PM20D2: variants seen among roughly 807,000 people sequenced by gnomAD.
PM20D2 encodes peptidase M20 domain containing 2.
A neutral mutation model predicts 42.9 loss-of-function variants in PM20D2; 33 were observed. The ratio of observed to expected loss-of-function variants is 0.77; its 90% CI spans 0.58 to 1.03. The LOEUF (loss-of-function observed/expected upper bound fraction) is 1.03, where lower values mean the gene tolerates loss of function less well. Ranked by LOEUF, PM20D2 falls within the 50% of genes least tolerant of loss-of-function variation. The probability of loss-of-function intolerance (pLI) is 0.00; values close to 1 mark genes in which losing one functional copy is unlikely to be tolerated. For missense variants in PM20D2, 548 were observed against 557.0 expected (o/e 0.98, Z 0.16); for synonymous variants, 250 against 228.2 (o/e 1.10, Z -0.86).
At chr6:89,100,250 C>T in the PM20D2 span, among the ~76,000 whole-genome samples, 1 of 152,174 alleles carries the variant, frequency 6.6e-6, no homozygotes, top group African/African-American at 2.4e-5. Context: ...TTATCAGACA[C>T]ACAGTGCTGA....
rs1771339647 is a variant in PM20D2, at chr6:89,164,379, G to A, written c.*2116G>A. The A allele has an allele frequency of 1.3e-5, 2 of 152,554 alleles. No individual in the cohort carries two copies. The highest frequency in any genetic ancestry group is 1.3e-4 in the Admixed American group (2 of 15,278). The allele number at this position is 152,554 out of a possible 1,614,324, so 9.5% of individuals were successfully genotyped here. ...GTAAGAAGAAAAGACACTTGCAAAGGAAGAGCTAAGATTAACATAATTTCT... is the reference window on the plus strand; with the variant it reads ...GTAAGAAGAAAAGACACTTGCAAAGAAAGAGCTAAGATTAACATAATTTCT... On this transcript the variant is annotated 3_prime_UTR_variant, in exon 7 of 7. Coordinates refer to ENST00000275072, the MANE Select transcript of PM20D2 (RefSeq NM_001010853.3).
chr6:89,114,126 G>T, the PM20D2 span, among the ~76,000 whole-genome samples: 1 of 152,146 alleles, frequency 6.6e-6, no homozygotes, highest in Non-Finnish European at 1.5e-5. Flanking sequence ...TCGGTAAAAT[G>T]GGGTTAACAA....
chr6:89,161,647 AAGCATG>A, intron 5 of PM20D2, 130 bp from the exon 6 acceptor site: 2 of 670,158 alleles, frequency 3.0e-6, no homozygotes, highest in Admixed American at 2.4e-5. Context: ...GAGCCCATGA[AAGCATG>A]AGCATACGGA....
At chr6:89,144,339 A>T (rs1770444888), upstream of PM20D2, among the ~76,000 whole-genome samples, 1 of 152,212 alleles carries the variant, frequency 6.6e-6, no homozygotes, top group African/African-American at 2.4e-5. Flanking sequence ...GAGGGCAAAC[A>T]TGGGTTCTAC....
the PM20D2 span, among the ~76,000 whole-genome samples, chr6:89,126,172 A>G: frequency 1.3e-5 from 2 of 151,598 alleles, no homozygotes; most frequent in African/African-American, 2.4e-5. Flanking sequence ...AGGCAGGAGG[A>G]TGGCTTGAGC....
In PM20D2 at chr6:89,162,377, T is replaced by G; in HGVS notation, c.*114T>G. 9.0e-7 allele frequency: 1 copy of G among 1,108,038 alleles called. No individual in the cohort carries two copies. The highest frequency in any genetic ancestry group is 1.3e-6 in the Non-Finnish European group (1 of 793,784). The allele number at this position is 1,108,038 out of a possible 1,614,324, so 68.6% of individuals were successfully genotyped here. On this transcript the variant is annotated 3_prime_UTR_variant, in exon 7 of 7. Transcript: ENST00000275072. ...TTAAAGGAGTAAAATTCTTTTTACCTGATAAGTGAGGACAGGGTGTGGAGA... is the reference window on the plus strand; with the variant it reads ...TTAAAGGAGTAAAATTCTTTTTACCGGATAAGTGAGGACAGGGTGTGGAGA...
chr6:89,148,315 G>T (rs9444672), intron 1 of PM20D2, among the ~76,000 whole-genome samples: 1 of 151,860 alleles, frequency 6.6e-6, no homozygotes, highest in African/African-American at 2.4e-5. Context: ...CTCAATTTTA[G>T]CAAGGTTAAG....
chr6:89,097,821 A>T, the PM20D2 span: 2 of 152,196 alleles, frequency 1.3e-5, no homozygotes, highest in African/African-American at 2.4e-5. Context: ...CCATTCTTCA[A>T]ATGTGTAAGT....
chr6:89,137,387 A>G, the PM20D2 span, among the ~76,000 whole-genome samples: 2 of 152,216 alleles, frequency 1.3e-5, no homozygotes, highest in South Asian at 2.1e-4. Context: ...CAGAGTTTGA[A>G]ACTAGAATCT....
chr6:89,153,180 T>G lies in PM20D2; in HGVS notation c.752T>G (p.Val251Gly). ...FRQQMKPTWR[V>G]HGIIKNGGVK... is the part of the protein sequence containing the mutation. Reference sequence around the variant, plus strand: ...CAGCAAATGAAACCAACCTGGAGAGTTCATGGTATGAATGTCAAATACCTT... The same window carrying G: ...CAGCAAATGAAACCAACCTGGAGAGGTCATGGTATGAATGTCAAATACCTT... Residue 251 changes from valine (V) to glycine (G), a missense_variant, in exon 3 of 7, where the codon GTT becomes GGT. By Grantham distance (109) the Val-to-Gly change is moderately radical. This residue lies in a region of PM20D2 where 470 missense variants were observed against 464.4 expected (regional missense o/e 1.01). Transcript: ENST00000275072. 1 of 1,592,566 alleles carries G rather than the reference T, an allele frequency of 6.3e-7. No individual in the cohort carries two copies. The highest frequency in any genetic ancestry group is 1.2e-5 in the South Asian group (1 of 86,568).
chr6:89,119,601 C>T, the PM20D2 span, among the ~76,000 whole-genome samples: 4 of 152,216 alleles, frequency 2.6e-5, no homozygotes, highest in African/African-American at 4.8e-5. Flanking sequence ...TTTGGTGGCC[C>T]GAAACAACAG....
At chr6:89,124,923 G>A in the PM20D2 span, among the ~76,000 whole-genome samples, 1 of 151,428 alleles carries the variant, frequency 6.6e-6, no homozygotes, top group Non-Finnish European at 1.5e-5. Flanking sequence ...TTTTATAGAG[G>A]TAGGTCTTGC....
rs1044949526 is a variant in PM20D2 at position 89,146,177 on chromosome 6, G to C, written c.33G>C (p.Gly11=). 6.5e-7 allele frequency: 1 copy of C among 1,530,768 alleles called. No individual in the cohort carries two copies. Among genetic ancestry groups the C allele is most frequent in the Non-Finnish European group, 8.7e-7 (1 of 1,146,594 alleles). 94.8% of individuals were successfully genotyped at this position (1,530,768 alleles called of 1,614,324 possible). The part of the protein sequence containing the change: MRPGGERPVE[G]GACNGRSELE... ...CCGGAGGGGAGCGGCCCGTGGAAGG[G>C]GGCGCGTGCAATGGCCGCTCCGAGC... The change falls in exon 1 of 7, where the codon GGG becomes GGC. Residue 11 remains glycine (G), a synonymous_variant. Transcript: ENST00000275072.
the PM20D2 span, among the ~76,000 whole-genome samples, chr6:89,103,548 C>T: frequency 2.6e-5 from 4 of 152,026 alleles, no homozygotes; most frequent in South Asian, 2.1e-4. Flanking sequence ...AGACTGGTCT[C>T]GAACTCCTGA....
chr6:89,136,346 A>G, the PM20D2 span, among the ~76,000 whole-genome samples: 1 of 151,268 alleles, frequency 6.6e-6, no homozygotes, highest in African/African-American at 2.5e-5. Flanking sequence ...AAATATTTTC[A>G]AACATATACA....
At chr6:89,152,506 A>G (rs1261915367) in intron 2 of PM20D2, among the ~76,000 whole-genome samples, 1 of 152,206 alleles carries the variant, frequency 6.6e-6, no homozygotes, top group East Asian at 1.9e-4. Flanking sequence ...GCATTTTGGA[A>G]CATAATAAAA....
At chr6:89,122,409 A>T in the PM20D2 span, among the ~76,000 whole-genome samples, 1 of 152,214 alleles carries the variant, frequency 6.6e-6, no homozygotes, top group Non-Finnish European at 1.5e-5. Flanking sequence ...CAGGTTTACA[A>T]TGTTGAGCAA....
At chr6:89,148,049 C>T (rs1770668501) in intron 1 of PM20D2, among the ~76,000 whole-genome samples, 2 of 145,598 alleles carry the variant, frequency 1.4e-5, no homozygotes, top group Non-Finnish European at 3.0e-5. Context: ...GGTCCTATCT[C>T]GGCTCACTAC....
the PM20D2 span, among the ~76,000 whole-genome samples, chr6:89,104,016 T>TTTG: frequency 1.3e-3 from 94 of 69,910 alleles, 2 homozygotes; most frequent in African/African-American, 4.3e-3. Context: ...TTTTTTTTTT[T>TTTG]TGGAGAGACG....
Sources: allele counts gnomAD v4.1 joint callset (sites outside exome capture counted in the v4.1 genomes callset), GRCh38; gene constraint gnomAD v4.1.1; regional missense constraint gnomAD v4.1.1; transcripts MANE v1.5; gene names NCBI Gene and HGNC (gene_info 2026-07-23, HGNC 2026-07-21).